PARD3B: variants seen among roughly 807,000 people sequenced by gnomAD.
The protein encoded by PARD3B is par-3 family cell polarity regulator beta.
PARD3B carries 103 observed loss-of-function variants against 130.2 expected under a neutral mutation model. The observed-to-expected ratio is 0.79, with a 90% CI of 0.67 to 0.93. The LOEUF (loss-of-function observed/expected upper bound fraction) is 0.93, where lower values mean the gene tolerates loss of function less well. Among genes scored for constraint, PARD3B ranks in the 40% least tolerant of loss-of-function variants. The probability of loss-of-function intolerance (pLI) is 0.00; values close to 1 mark genes in which losing one functional copy is unlikely to be tolerated. For synonymous variants in PARD3B, 583 were observed against 553.2 expected, an observed-to-expected ratio of 1.05 and a Z score of -0.76; for missense variants, 1,609 against 1,499.2, an observed-to-expected ratio of 1.07 and a Z score of -1.21.
At chr2:204,782,364 A>G (rs1329785626) in intron 2 of PARD3B, among the ~76,000 whole-genome samples, 3 of 125,044 alleles carry the variant, frequency 2.4e-5, no homozygotes, top group Non-Finnish European at 3.4e-5. Context: ...GTTATATAAT[A>G]TATACCATCA....
chr2:204,726,733 T>C, intron 2 of PARD3B, among the ~76,000 whole-genome samples: 1 of 152,178 alleles, frequency 6.6e-6, no homozygotes, highest in East Asian at 1.9e-4. Context: ...TACTTGCCTT[T>C]TCAATTGCAT....
intron 2 of PARD3B, among the ~76,000 whole-genome samples, chr2:204,911,551 G>A (rs1215837383): frequency 6.6e-6 from 1 of 152,148 alleles, no homozygotes; most frequent in African/African-American, 2.4e-5. Flanking sequence ...ATTTCATAAA[G>A]GTAGAGCATT....
chr2:205,143,847 A>C (rs1444956843), intron 10 of PARD3B, among the ~76,000 whole-genome samples: 2 of 152,170 alleles, frequency 1.3e-5, no homozygotes, highest in African/African-American at 4.8e-5. Flanking sequence ...GCCTAGAAGC[A>C]ATATATGTGT....
chr2:204,803,159 A>ATATAT lies in PARD3B; in HGVS notation c.222+116877_222+116878insTATAT, dbSNP rs1310418905. Among the ~76,000 whole-genome samples the ATATAT allele has an allele frequency of 3.7e-3, 449 of 121,018 alleles. 1 individual carries two copies. Among genetic ancestry groups the ATATAT allele is most frequent in the African/African-American group, 0.013 (423 of 32,464 alleles). The allele number at this position is 121,018 out of a possible 152,430, so 79.4% of individuals were successfully genotyped here. On this transcript the variant is annotated intron_variant, in intron 2 of 22. Transcript: ENST00000406610. ...AGTGCTGAAGGAAAAAAAAAAAAAA[A>ATATAT]AAAAATATATATATATATATATAAT... is the stretch of plus-strand genomic sequence containing the variant.
intron 11 of PARD3B, among the ~76,000 whole-genome samples, chr2:205,164,126 A>T (rs1219054300): frequency 2.0e-5 from 3 of 152,342 alleles, no homozygotes; most frequent in African/African-American, 7.2e-5. Flanking sequence ...ATCACTATAT[A>T]TCCAATAAGA....
At chr2:205,451,344 TTTACTC>T (rs146599386) in intron 20 of PARD3B, among the ~76,000 whole-genome samples, 4,427 of 152,232 alleles carry the variant, frequency 0.029, 183 homozygotes, top group African/African-American at 0.098. Flanking sequence ...TATTAAAAGA[TTTACTC>T]TAGTGGCAAA....
chr2:204,545,933 G>C lies in PARD3B; in HGVS notation c.-67G>C. 1 of 1,455,184 alleles carries C rather than the reference G, an allele frequency of 6.9e-7. No individual in the cohort carries two copies. Among genetic ancestry groups the C allele is most frequent in the East Asian group, 2.7e-5 (1 of 36,428 alleles). The allele number at this position is 1,455,184 out of a possible 1,614,324, so 90.1% of individuals were successfully genotyped here. A position where few individuals can be genotyped will look rare whatever the true frequency, so the allele number is the denominator to read the frequency against. On this transcript the variant is annotated 5_prime_UTR_variant, in exon 1 of 23. Coordinates refer to ENST00000406610, the MANE Select transcript of PARD3B (RefSeq NM_001302769.2). Reference sequence around the variant, plus strand: ...CACCCGCCCCGGGCGTCCTCCGAGAGTGGGGGCTGCGCCCGCGGGGTCAGA... The same window carrying C: ...CACCCGCCCCGGGCGTCCTCCGAGACTGGGGGCTGCGCCCGCGGGGTCAGA...
At chr2:204,746,967 A>C (rs2040258426) in intron 2 of PARD3B, among the ~76,000 whole-genome samples, 1 of 151,956 alleles carries the variant, frequency 6.6e-6, no homozygotes, top group African/African-American at 2.4e-5. Context: ...GCTGTGCAGA[A>C]GCTCTTTAGT....
chr2:205,296,344 G>T (rs1318554704), intron 16 of PARD3B, among the ~76,000 whole-genome samples: 1 of 152,168 alleles, frequency 6.6e-6, no homozygotes, highest in Non-Finnish European at 1.5e-5. Flanking sequence ...TCATCTGCCT[G>T]TGGAGAAGCA....
chr2:204,617,894 C>T (rs142517689), intron 1 of PARD3B, among the ~76,000 whole-genome samples: 62 of 152,322 alleles, frequency 4.1e-4, no homozygotes, highest in Non-Finnish European at 7.8e-4. Flanking sequence ...TTTCTGGCTG[C>T]ACAGTATTCT....
At chr2:205,132,827 G>A (rs577742920) in intron 10 of PARD3B, among the ~76,000 whole-genome samples, 3 of 152,242 alleles carry the variant, frequency 2.0e-5, no homozygotes, top group Admixed American at 1.3e-4. Context: ...AGAATTAACT[G>A]TGTGCAGCTG....
rs35087383 is a variant in PARD3B, at chr2:205,499,316, TAA to T, written c.3045-566_3045-565del. Among the ~76,000 whole-genome samples the T allele has an allele frequency of 2.1e-3, 304 of 145,432 alleles. 1 individual carries two copies. The highest frequency in any genetic ancestry group is 0.013 in the South Asian group (60 of 4,506). ...TACTCTACACCAGCTTCCCCCACCT[TAA>T]AAAAAAAAAAAAACTTTCTTACTGT... On this transcript the variant is annotated intron_variant, in intron 20 of 22. Coordinates refer to ENST00000406610, the MANE Select transcript of PARD3B (RefSeq NM_001302769.2).
At chr2:205,224,090 C>T (rs2038390626) in intron 15 of PARD3B, among the ~76,000 whole-genome samples, 2 of 146,906 alleles carry the variant, frequency 1.4e-5, no homozygotes, top group African/African-American at 5.0e-5. Flanking sequence ...AATAAATGGG[C>T]CAGGCACGGT....
chr2:205,404,913 T>G (rs1044811624), intron 19 of PARD3B, among the ~76,000 whole-genome samples: 1 of 152,238 alleles, frequency 6.6e-6, no homozygotes, highest in African/African-American at 2.4e-5. Context: ...TATTGAAGTT[T>G]TAATTTCCTT....
intron 2 of PARD3B, among the ~76,000 whole-genome samples, chr2:204,833,052 A>C (rs751825645): frequency 6.6e-6 from 1 of 152,204 alleles, no homozygotes; most frequent in Non-Finnish European, 1.5e-5. Flanking sequence ...TATAACATTG[A>C]AAATACCCTG....
In PARD3B at chr2:204,938,370, C is replaced by A. The variant is rs114313742; in HGVS notation, c.223-26782C>A. Among the ~76,000 whole-genome samples, 720 of 152,304 alleles carry A rather than the reference C, an allele frequency of 4.7e-3. 2 individuals are homozygous for A. The highest frequency in any genetic ancestry group is 0.017 in the African/African-American group (687 of 41,566). On this transcript the variant is annotated intron_variant, in intron 2 of 22. Transcript: ENST00000406610. ...CCAAAGCCTTTGTAAGCCCTAAAGC[C>A]TCAGCACATGCTGTTCCCTCTGCGT...
chr2:205,153,001 C>T (rs1471494420), intron 10 of PARD3B, among the ~76,000 whole-genome samples: 1 of 152,190 alleles, frequency 6.6e-6, no homozygotes, highest in East Asian at 1.9e-4. Flanking sequence ...GGTTTTCCTT[C>T]TAACACTCAG....
chr2:204,608,075 G>A (rs1274600275), intron 1 of PARD3B, among the ~76,000 whole-genome samples: 1 of 152,094 alleles, frequency 6.6e-6, no homozygotes, highest in African/African-American at 2.4e-5. Flanking sequence ...ATGGTTTGCA[G>A]CCCCAGCAGT....
chr2:205,319,606 G>C (rs1207439), intron 18 of PARD3B, among the ~76,000 whole-genome samples: 1 of 151,920 alleles, frequency 6.6e-6, no homozygotes, highest in Non-Finnish European at 1.5e-5. Context: ...GATTTTCCTC[G>C]CCATTTTTCA....
Sources: allele counts gnomAD v4.1 joint callset (sites outside exome capture counted in the v4.1 genomes callset), GRCh38; gene constraint gnomAD v4.1.1; transcripts MANE v1.5; gene names NCBI Gene and HGNC (gene_info 2026-07-23, HGNC 2026-07-21).